The following NAA11 variants were observed in gnomAD, a reference collection of about 807,000 sequenced individuals.
NAA11 encodes the protein N-alpha-acetyltransferase 11, NatA catalytic subunit.
In NAA11, 15 loss-of-function variants were observed where a neutral mutation model predicts 16.1. The ratio of observed to expected loss-of-function variants is 0.93; its 90% confidence interval spans 0.62 to 1.44. NAA11 has a LOEUF of 1.44. Among genes scored for constraint, NAA11 ranks in the 40% most tolerant of loss-of-function variants. NAA11 has a pLI of 0.00. For synonymous variants in NAA11, 122 were observed against 112.4 expected (o/e 1.09, Z -0.54); for missense variants, 298 against 291.3 (o/e 1.02, Z -0.17).
At chr4:79,256,559 G>A (rs945927647) in intron 2 of NAA11, among the ~76,000 whole-genome samples, 1 of 150,924 alleles carries the variant, frequency 6.6e-6, no homozygotes, top group Non-Finnish European at 1.5e-5. Flanking sequence ...AGCAGCTATT[G>A]ATGCTCAGTG....
the NAA11 span, among the ~76,000 whole-genome samples, chr4:79,184,790 A>T: frequency 6.6e-6 from 1 of 152,198 alleles, no homozygotes; most frequent in African/African-American, 2.4e-5. Context: ...TCCGGAAGAT[A>T]AATAAAAGCT....
chr4:79,269,102 T>A (rs62310542), intron 2 of NAA11, among the ~76,000 whole-genome samples: 1,675 of 103,944 alleles, frequency 0.016, no homozygotes, highest in Non-Finnish European at 0.022. Context: ...AGTCTATCAT[T>A]GTTGGACATT....
the NAA11 span, among the ~76,000 whole-genome samples, chr4:79,190,402 G>A: frequency 6.6e-6 from 1 of 150,698 alleles, no homozygotes; most frequent in Admixed American, 6.6e-5. Context: ...TATTGATAAC[G>A]AATGGAGTAT....
downstream of NAA11, among the ~76,000 whole-genome samples, chr4:79,222,004 C>G (rs1446848896): frequency 6.9e-6 from 1 of 144,254 alleles, no homozygotes; most frequent in Admixed American, 7.1e-5. Flanking sequence ...CCATCTGGTC[C>G]TGGACTCTTT....
intron 2 of NAA11, among the ~76,000 whole-genome samples, chr4:79,283,501 A>G (rs1371379553): frequency 6.6e-6 from 1 of 152,066 alleles, no homozygotes; most frequent in Admixed American, 6.6e-5. Context: ...AGATTGGTAT[A>G]TTTTGTGTTG....
chr4:79,324,693 A>G (rs772028224), intron 1 of NAA11, among the ~76,000 whole-genome samples: 1 of 152,182 alleles, frequency 6.6e-6, no homozygotes, highest in Non-Finnish European at 1.5e-5. Flanking sequence ...TTTAGTGAAG[A>G]CTGACTACAC....
chr4:79,213,929 C>T, the NAA11 span, among the ~76,000 whole-genome samples: 1 of 152,098 alleles, frequency 6.6e-6, no homozygotes, highest in East Asian at 1.9e-4. Context: ...GCAGATAGGC[C>T]CTTAATAAAT....
At chr4:79,201,587 T>C in the NAA11 span, among the ~76,000 whole-genome samples, 18,416 of 151,620 alleles carry the variant, frequency 0.12, 1,364 homozygotes, top group African/African-American at 0.19. Flanking sequence ...GCCTGTCATA[T>C]GTATGTTTCA....
chr4:79,210,260 G>A, the NAA11 span, among the ~76,000 whole-genome samples: 3 of 152,058 alleles, frequency 2.0e-5, no homozygotes, highest in Admixed American at 1.3e-4. Flanking sequence ...TATTGCGGGC[G>A]GGGAAGAATG....
At chr4:79,261,147 A>C (rs545959303) in intron 2 of NAA11, among the ~76,000 whole-genome samples, 17 of 152,330 alleles carry the variant, frequency 1.1e-4, no homozygotes, top group South Asian at 4.1e-4. Flanking sequence ...TGCTCTAACA[A>C]AGACTTTATT....
chr4:79,318,415 T>TA (rs1723992435), intron 1 of NAA11, among the ~76,000 whole-genome samples: 1 of 152,168 alleles, frequency 6.6e-6, no homozygotes, highest in Non-Finnish European at 1.5e-5. Flanking sequence ...TTCTCTCCTT[T>TA]AAAAAAATTT....
chr4:79,198,530 G>A, the NAA11 span, among the ~76,000 whole-genome samples: 1 of 151,816 alleles, frequency 6.6e-6, no homozygotes, highest in Non-Finnish European at 1.5e-5. Context: ...CAGTGTTTTG[G>A]TGTTTTCTGA....
the NAA11 span, among the ~76,000 whole-genome samples, chr4:79,167,270 T>TAG: frequency 8.4e-3 from 823 of 98,406 alleles, 12 homozygotes; most frequent in African/African-American, 0.021. Flanking sequence ...TATATATATA[T>TAG]AGAGAGAGAG....
chr4:79,183,283 A>G, the NAA11 span, among the ~76,000 whole-genome samples: 1 of 152,152 alleles, frequency 6.6e-6, no homozygotes, highest in African/African-American at 2.4e-5. Flanking sequence ...CTGTTTTGGC[A>G]TTGCATACAA....
intron 2 of NAA11, among the ~76,000 whole-genome samples, chr4:79,242,020 C>T (rs570092158): frequency 6.6e-6 from 1 of 152,304 alleles, no homozygotes; most frequent in South Asian, 2.1e-4. Context: ...GGGCTTTTCT[C>T]TGCTATTCCA....
chr4:79,259,993 C>A (rs1722212235), intron 2 of NAA11, among the ~76,000 whole-genome samples: 1 of 152,128 alleles, frequency 6.6e-6, no homozygotes, highest in African/African-American at 2.4e-5. Context: ...GCATAGAGTC[C>A]AAAGTGCAAA....
chr4:79,197,363 G>T, the NAA11 span, among the ~76,000 whole-genome samples: 1 of 151,862 alleles, frequency 6.6e-6, no homozygotes, highest in South Asian at 2.1e-4. Flanking sequence ...TAGACATTAT[G>T]GTAGTTTAAT....
At chr4:79,316,172 T>A (rs1723921465), downstream of NAA11, among the ~76,000 whole-genome samples, 8 of 152,176 alleles carry the variant, frequency 5.3e-5, no homozygotes, top group South Asian at 1.4e-3. Flanking sequence ...AAGGAAAACA[T>A]GGAATACTTC....
At chr4:79,256,645 A>ATAT (rs1722112473) in intron 2 of NAA11, among the ~76,000 whole-genome samples, 12 of 75,520 alleles carry the variant, frequency 1.6e-4, no homozygotes, top group African/African-American at 5.4e-4. Flanking sequence ...TATATATATA[A>ATAT]ATATAAATAT....
Sources: allele counts gnomAD v4.1 joint callset (sites outside exome capture counted in the v4.1 genomes callset), GRCh38; gene constraint gnomAD v4.1.1; transcripts MANE v1.5; gene names NCBI Gene and HGNC (gene_info 2026-07-23, HGNC 2026-07-21).